TMEM150C: variants seen among roughly 807,000 people sequenced by gnomAD.
TMEM150C encodes transmembrane protein 150C, also known as tentonin 3.
Under a neutral mutation model 29.9 loss-of-function variants are expected in TMEM150C, and 10 were observed. That is an observed-to-expected ratio of 0.33 (90% confidence interval 0.21 to 0.57). The LOEUF is 0.57. TMEM150C is among the 20% of genes least tolerant of loss of function. TMEM150C has a pLI of 0.88. For synonymous variants in TMEM150C, 101 were observed against 112.5 expected (o/e 0.90, Z 0.64); for missense variants, 251 against 303.6 (o/e 0.83, Z 1.29).
Position 82,559,556 on chromosome 4 carries a change from AAAAC to A in TMEM150C, c.-11+2346_-11+2349del, listed in dbSNP as rs375176720. Among the ~76,000 whole-genome samples the A allele has an allele frequency of 4.5e-4, 68 of 152,306 alleles. No homozygotes were observed. In the South Asian group the frequency reaches 0.012, roughly 26 times the overall value. On this transcript the variant is annotated intron_variant, in intron 1 of 7. Coordinates refer to ENST00000449862, the MANE Select transcript of TMEM150C (RefSeq NM_001080506.3). Reference sequence around the variant, plus strand: ...GGCGAGAGAGTGAGACTCCGCCTCAAAAACAAACAAACAAAAAAAGTAGGGACAC... The same window carrying A: ...GGCGAGAGAGTGAGACTCCGCCTCAAAAACAAACAAAAAAAGTAGGGACAC...
At chr4:82,516,824 C>T (rs568007422) in intron 1 of TMEM150C, among the ~76,000 whole-genome samples, 7 of 152,294 alleles carry the variant, frequency 4.6e-5, no homozygotes, top group Admixed American at 1.3e-4. Context: ...AATTACTTTA[C>T]GCTGATGACT....
chr4:82,499,513 A>G (rs1723660346), intron 5 of TMEM150C, among the ~76,000 whole-genome samples: 1 of 152,014 alleles, frequency 6.6e-6, no homozygotes, highest in Non-Finnish European at 1.5e-5. Context: ...CCTGAGGTCA[A>G]GAGTTCGTGA....
intron 1 of TMEM150C, among the ~76,000 whole-genome samples, chr4:82,553,671 G>T (rs1725652542): frequency 6.6e-6 from 1 of 152,220 alleles, no homozygotes; most frequent in Admixed American, 6.5e-5. Flanking sequence ...CAAGGACTGT[G>T]CTAGGGACTT....
intron 6 of TMEM150C, among the ~76,000 whole-genome samples, chr4:82,491,938 T>C (rs1048547976): frequency 1.1e-5 from 1 of 94,022 alleles, no homozygotes; most frequent in Non-Finnish European, 1.8e-5. Context: ...TAATTCTTGT[T>C]TTTTTTTTTG....
intron 1 of TMEM150C, among the ~76,000 whole-genome samples, chr4:82,538,160 C>G (rs539475323): frequency 6.6e-6 from 1 of 152,108 alleles, no homozygotes; most frequent in Non-Finnish European, 1.5e-5. Flanking sequence ...CAGATTCAAG[C>G]GATTCTCCTG....
intron 1 of TMEM150C, among the ~76,000 whole-genome samples, chr4:82,559,371 C>A (rs1158898264): frequency 1.3e-5 from 2 of 150,800 alleles, no homozygotes; most frequent in Non-Finnish European, 2.9e-5. Context: ...ATGGTAAAAC[C>A]CCGTCTCTAC....
chr4:82,525,242 G>A (rs1285528874), intron 1 of TMEM150C, among the ~76,000 whole-genome samples: 1 of 152,116 alleles, frequency 6.6e-6, no homozygotes, highest in Non-Finnish European at 1.5e-5. Context: ...AGTCAGTTGG[G>A]GCTTGGTAAA....
intron 1 of TMEM150C, among the ~76,000 whole-genome samples, chr4:82,553,378 A>G (rs1044354594): frequency 6.6e-6 from 1 of 152,268 alleles, no homozygotes; most frequent in Admixed American, 6.5e-5. Flanking sequence ...GTACAACATC[A>G]GAGTCATGTT....
chr4:82,529,810 C>G (rs774069222), intron 1 of TMEM150C, among the ~76,000 whole-genome samples: 24 of 152,032 alleles, frequency 1.6e-4, no homozygotes, highest in Non-Finnish European at 2.9e-4. Context: ...TCAAGAGAAG[C>G]TTGGCTGTGA....
intron 1 of TMEM150C, among the ~76,000 whole-genome samples, chr4:82,540,060 A>T (rs1008467436): frequency 3.3e-5 from 5 of 151,120 alleles, no homozygotes; most frequent in Non-Finnish European, 1.5e-5. Flanking sequence ...ACCTGCACAT[A>T]AAATTGGTGT....
intron 6 of TMEM150C, among the ~76,000 whole-genome samples, chr4:82,494,070 G>A (rs969846477): frequency 6.6e-6 from 1 of 152,180 alleles, no homozygotes; most frequent in African/African-American, 2.4e-5. Flanking sequence ...ATTTTCATTA[G>A]GAACATTACT....
In TMEM150C at chr4:82,492,860, T is replaced by TTGTG. The variant is rs199875273; in HGVS notation, c.364-2626_364-2623dup. Among the ~76,000 whole-genome samples, 136 of 61,266 alleles carry TTGTG rather than the reference T, an allele frequency of 2.2e-3. 1 individual carries two copies. The highest frequency in any genetic ancestry group is 0.015 in the South Asian group (35 of 2,324). 40.2% of individuals were successfully genotyped at this position (61,266 alleles called of 152,430 possible). Reference sequence around the variant, plus strand: ...TCTTCATCAAACCTAGCGTATATGTTTGTGTATATATATATATATATATAT... The same window carrying TTGTG: ...TCTTCATCAAACCTAGCGTATATGTTTGTGTGTGTATATATATATATATATATAT... On this transcript the variant is annotated intron_variant, in intron 6 of 7. Transcript: ENST00000449862.
At chr4:82,491,042 G>A (rs1723326329) in intron 6 of TMEM150C, 2 of 732,144 alleles carry the variant, frequency 2.7e-6, no homozygotes, top group African/African-American at 1.7e-5. Context: ...TCTTCCTGTG[G>A]ACTAGACGTC....
intron 6 of TMEM150C, among the ~76,000 whole-genome samples, chr4:82,494,355 T>A (rs1723468447): frequency 6.6e-6 from 1 of 152,200 alleles, no homozygotes; most frequent in South Asian, 2.1e-4. Context: ...TTAAAGGTTG[T>A]GACCTTGGGC....
At chr4:82,532,921 G>C (rs929976255) in intron 1 of TMEM150C, among the ~76,000 whole-genome samples, 1 of 151,928 alleles carries the variant, frequency 6.6e-6, no homozygotes, top group African/African-American at 2.4e-5. Flanking sequence ...GTACAGACAG[G>C]GTTTCACTGT....
At chr4:82,519,717 A>G (rs1418571374) in intron 1 of TMEM150C, among the ~76,000 whole-genome samples, 1 of 152,180 alleles carries the variant, frequency 6.6e-6, no homozygotes, top group Admixed American at 6.5e-5. Flanking sequence ...ATGAGCCACC[A>G]AGCCTGGCCA....
At chr4:82,513,168 G>C (rs6816282) in intron 1 of TMEM150C, among the ~76,000 whole-genome samples, 14,201 of 152,222 alleles carry the variant, frequency 0.093, 907 homozygotes, top group African/African-American at 0.19. Context: ...CAGGGGTCGA[G>C]AGACACTTCA....
At chr4:82,523,310 G>C (rs990994067) in intron 1 of TMEM150C, among the ~76,000 whole-genome samples, 2 of 152,168 alleles carry the variant, frequency 1.3e-5, no homozygotes, top group Non-Finnish European at 2.9e-5. Context: ...ACAGAGGTTG[G>C]AGGAGGCGGT....
intron 7 of TMEM150C, among the ~76,000 whole-genome samples, chr4:82,489,647 C>T (rs1441816267): frequency 6.6e-6 from 1 of 152,024 alleles, no homozygotes; most frequent in African/African-American, 2.4e-5. Context: ...TGTATTGGTC[C>T]TCTGAAATTC....
Sources: allele counts gnomAD v4.1 joint callset (sites outside exome capture counted in the v4.1 genomes callset), GRCh38; gene constraint gnomAD v4.1.1; transcripts MANE v1.5; gene names NCBI Gene and HGNC (gene_info 2026-07-23, HGNC 2026-07-21).